MCU: variants seen among roughly 807,000 people sequenced by gnomAD.
The protein encoded by MCU is calcium uniporter protein, mitochondrial.
A neutral mutation model predicts 45.2 loss-of-function variants in MCU; 12 were observed. The ratio of observed to expected loss-of-function variants is 0.27; its 90% CI spans 0.17 to 0.43. MCU has a LOEUF of 0.43. Ranked by LOEUF, MCU falls within the 20% of genes least tolerant of loss-of-function variation. The pLI is 1.00. For synonymous variants in MCU, 160 were observed against 165.1 expected (o/e 0.97, Z 0.24); for missense variants, 324 against 436.7 (o/e 0.74, Z 2.30).
chr10:72,721,401 A>G (rs943680886), intron 1 of MCU, among the ~76,000 whole-genome samples: 1 of 152,162 alleles, frequency 6.6e-6, no homozygotes, highest in African/African-American at 2.4e-5. Flanking sequence ...ATGTACAGCA[A>G]TCTGCTCCCC....
intron 4 of MCU, among the ~76,000 whole-genome samples, chr10:72,862,116 G>C (rs12773264): frequency 0.46 from 69,068 of 151,316 alleles, 19,921 homozygotes; most frequent in Non-Finnish European, 0.67. Context: ...TGAGTAGCTG[G>C]GACTACAGGT....
At chr10:72,768,051 C>T (rs1424876171) in intron 1 of MCU, among the ~76,000 whole-genome samples, 1 of 151,640 alleles carries the variant, frequency 6.6e-6, no homozygotes, top group Non-Finnish European at 1.5e-5. Context: ...TGAAGAGTTT[C>T]CAAGGCGAAT....
intron 4 of MCU, among the ~76,000 whole-genome samples, chr10:72,865,777 T>G (rs1476082741): frequency 2.0e-5 from 3 of 148,464 alleles, no homozygotes; most frequent in African/African-American, 5.0e-5. Flanking sequence ...TTTTTTTTGT[T>G]TTTTTTTTTG....
chr10:72,789,064 T>C (rs1053840951), intron 1 of MCU, among the ~76,000 whole-genome samples: 1 of 152,122 alleles, frequency 6.6e-6, no homozygotes, highest in Non-Finnish European at 1.5e-5. Flanking sequence ...CTTTCTAGAA[T>C]GATTGTGTCT....
At chr10:72,713,404 C>T (rs1359704836) in intron 1 of MCU, among the ~76,000 whole-genome samples, 1 of 152,072 alleles carries the variant, frequency 6.6e-6, no homozygotes, top group African/African-American at 2.4e-5. Flanking sequence ...CTCAGCCTCC[C>T]GAGTAGCTGG....
chr10:72,767,932 C>G (rs1843751178), intron 1 of MCU, among the ~76,000 whole-genome samples: 1 of 151,980 alleles, frequency 6.6e-6, no homozygotes, highest in Admixed American at 6.6e-5. Context: ...TTGTTAGGCT[C>G]TTTTAATTTA....
At chr10:72,739,555 T>C (rs1843296983) in intron 1 of MCU, among the ~76,000 whole-genome samples, 1 of 152,158 alleles carries the variant, frequency 6.6e-6, no homozygotes, top group Admixed American at 6.5e-5. Context: ...AGAAACATTT[T>C]TCGTTTTAAA....
At chr10:72,770,751 G>A (rs760473504) in intron 1 of MCU, among the ~76,000 whole-genome samples, 150 of 152,032 alleles carry the variant, frequency 9.9e-4, no homozygotes, top group Non-Finnish European at 1.7e-3. Context: ...TGTTCTGATA[G>A]CGTCAAATAT....
intron 1 of MCU, among the ~76,000 whole-genome samples, chr10:72,723,627 T>C (rs1221746501): frequency 2.0e-5 from 3 of 152,174 alleles, no homozygotes; most frequent in Non-Finnish European, 4.4e-5. Flanking sequence ...TATATTTTGC[T>C]TTTTTTGCTC....
chr10:72,790,379 C>T (rs1223005816), intron 1 of MCU, among the ~76,000 whole-genome samples: 1 of 152,082 alleles, frequency 6.6e-6, no homozygotes, highest in Non-Finnish European at 1.5e-5. Flanking sequence ...CAGTTGGGGG[C>T]TGGGGGAGAA....
chr10:72,798,512 G>A (rs574593333), intron 1 of MCU, among the ~76,000 whole-genome samples: 33 of 152,182 alleles, frequency 2.2e-4, no homozygotes, highest in African/African-American at 6.5e-4. Flanking sequence ...GGCTGGTCTC[G>A]ACTTCCTGAC....
At chr10:72,747,772 G>T (rs1225192358) in intron 1 of MCU, among the ~76,000 whole-genome samples, 1 of 152,094 alleles carries the variant, frequency 6.6e-6, no homozygotes, top group African/African-American at 2.4e-5. Flanking sequence ...GGAGGTCGCA[G>T]CTGCAGTGAG....
Position 72,739,303 on chromosome 10 carries a change from T to G in MCU, c.150+47002T>G, listed in dbSNP as rs182999241. Among the ~76,000 whole-genome samples, 648 of 152,346 alleles carry G rather than the reference T, an allele frequency of 4.3e-3. 3 individuals carry two copies. Among genetic ancestry groups the G allele is most frequent in the Middle Eastern group, 0.014 (4 of 294 alleles). On this transcript the variant is annotated intron_variant, in intron 1 of 7. Coordinates refer to ENST00000373053, the MANE Select transcript of MCU (RefSeq NM_138357.3). Reference sequence around the variant, plus strand: ...AGATAGACCGTTCCTTTCAGTGCACTTTAAAAATAACATTTGGAATTATTT... The same window carrying G: ...AGATAGACCGTTCCTTTCAGTGCACGTTAAAAATAACATTTGGAATTATTT...
Position 72,692,792 on chromosome 10 carries a change from G to A in MCU, c.150+491G>A, listed in dbSNP as rs1021152811. The A allele has an allele frequency of 2.1e-6, 3 of 1,411,688 alleles. No homozygotes were observed. In the African/African-American group the frequency reaches 4.3e-5, roughly 20 times the overall value. 87.4% of individuals were successfully genotyped at this position (1,411,688 alleles called of 1,614,324 possible). A position where few individuals can be genotyped will look rare whatever the true frequency, so the allele number is the denominator to read the frequency against. On this transcript the variant is annotated intron_variant, in intron 1 of 7. Coordinates refer to ENST00000373053, the MANE Select transcript of MCU (RefSeq NM_138357.3). The stretch of plus-strand genomic sequence containing the variant: ...GGGAGCTGCCCCGGAGAGCAGCCCA[G>A]GACCCCGGCGGGGCCGCCCCTCGTC...
intron 2 of MCU, among the ~76,000 whole-genome samples, chr10:72,843,095 G>A (rs894950992): frequency 7.9e-5 from 12 of 152,202 alleles, no homozygotes; most frequent in African/African-American, 2.6e-4. Context: ...TCCTTGCATA[G>A]TCTCCCCATG....
intron 1 of MCU, among the ~76,000 whole-genome samples, chr10:72,822,519 G>C (rs185624879): frequency 2.0e-4 from 30 of 152,256 alleles, no homozygotes; most frequent in Non-Finnish European, 2.9e-4. Flanking sequence ...ACAACCCAGT[G>C]TAAAAATGGG....
chr10:72,722,738 C>CA (rs1230345066), intron 1 of MCU, among the ~76,000 whole-genome samples: 1 of 152,042 alleles, frequency 6.6e-6, no homozygotes, highest in Non-Finnish European at 1.5e-5. Flanking sequence ...GAAATAGAGA[C>CA]AAAATCTGTT....
intron 1 of MCU, among the ~76,000 whole-genome samples, chr10:72,757,302 A>T (rs966789031): frequency 5.3e-5 from 8 of 152,306 alleles, no homozygotes; most frequent in Admixed American, 3.3e-4. Flanking sequence ...CTGAAGAAAC[A>T]AGGGAGATGT....
At chr10:72,705,282 T>C (rs1346990016) in intron 1 of MCU, among the ~76,000 whole-genome samples, 1 of 152,248 alleles carries the variant, frequency 6.6e-6, no homozygotes, top group Non-Finnish European at 1.5e-5. Flanking sequence ...TTAAAATTTA[T>C]ATATCAAAAA....
Sources: allele counts gnomAD v4.1 joint callset (sites outside exome capture counted in the v4.1 genomes callset), GRCh38; gene constraint gnomAD v4.1.1; transcripts MANE v1.5; gene names NCBI Gene and HGNC (gene_info 2026-07-23, HGNC 2026-07-21).